The following MICU1 variants were observed in gnomAD, a reference collection of about 807,000 sequenced individuals.
MICU1 encodes the protein mitochondrial calcium uptake 1.
A neutral mutation model predicts 56.8 loss-of-function variants in MICU1; 45 were observed. That is an observed-to-expected ratio of 0.79 (90% confidence interval 0.62 to 1.02). The LOEUF is 1.02. MICU1 is among the 50% of genes least tolerant of loss of function. The probability of loss-of-function intolerance (pLI) is 0.00; values close to 1 mark genes in which losing one functional copy is unlikely to be tolerated. For synonymous variants in MICU1, 186 were observed against 195.1 expected, an observed-to-expected ratio of 0.95 and a Z score of 0.39; for missense variants, 504 against 587.1, an observed-to-expected ratio of 0.86 and a Z score of 1.46.
At chr10:72,575,677 T>C (rs1324775453) in intron 1 of MICU1, among the ~76,000 whole-genome samples, 1 of 152,224 alleles carries the variant, frequency 6.6e-6, no homozygotes, top group African/African-American at 2.4e-5. Flanking sequence ...TTGGTGTTAC[T>C]ATTTTAATTG....
rs192081980 is a variant in MICU1, at chr10:72,463,362, C to T, written c.933+11738G>A. ...ACAGGCATGAGCCATGGCGCCCGGC[C>T]GCACTTTTAATGATCCATCTGAAAG... On this transcript the variant is annotated intron_variant, in intron 8 of 11. Coordinates refer to ENST00000361114, the MANE Select transcript of MICU1 (RefSeq NM_001195518.2). 5.9e-5 allele frequency among the ~76,000 whole-genome samples: 9 copies of T among 152,228 alleles called. No individual in the cohort carries two copies. The East Asian group carries it at 7.7e-4, about 13-fold the overall frequency.
At chr10:72,452,723 G>C (rs1414076546) in intron 8 of MICU1, among the ~76,000 whole-genome samples, 1 of 152,098 alleles carries the variant, frequency 6.6e-6, no homozygotes, top group Non-Finnish European at 1.5e-5. Flanking sequence ...GCCTAATGAT[G>C]CATTTCTCAG....
At chr10:72,510,887 C>G (rs189017475) in intron 5 of MICU1, among the ~76,000 whole-genome samples, 1 of 152,312 alleles carries the variant, frequency 6.6e-6, no homozygotes, top group Admixed American at 6.5e-5. Flanking sequence ...CCACCTTGGC[C>G]TCCCAAAGTT....
rs1840043515 is a variant in MICU1, at chr10:72,551,864, G to A, written c.331-523C>T. Among the ~76,000 whole-genome samples, 4 of 152,020 alleles carry A rather than the reference G, an allele frequency of 2.6e-5. No individual in the cohort carries two copies. In the South Asian group the frequency reaches 6.2e-4, roughly 24 times the overall value. On this transcript the variant is annotated intron_variant, in intron 3 of 11. Coordinates refer to ENST00000361114, the MANE Select transcript of MICU1 (RefSeq NM_001195518.2). ...TTGTCCAGGCTGGCCTCAAACTCCTGGGCTCAAATGATCCTTCCGCCATGG... is the reference window on the plus strand; with the variant it reads ...TTGTCCAGGCTGGCCTCAAACTCCTAGGCTCAAATGATCCTTCCGCCATGG...
At chr10:72,564,649 C>T (rs1349427502) in intron 2 of MICU1, among the ~76,000 whole-genome samples, 1 of 150,694 alleles carries the variant, frequency 6.6e-6, no homozygotes, top group Non-Finnish European at 1.5e-5. Context: ...AAGCCAAATA[C>T]AGTGATCTTG....
chr10:72,406,857 C>T (rs111703395), intron 10 of MICU1, among the ~76,000 whole-genome samples: 1,559 of 152,190 alleles, frequency 0.01, 26 homozygotes, highest in African/African-American at 0.036. Context: ...AAACTCCTGA[C>T]CTCAGGTGAT....
At chr10:72,593,768 G>A (rs1025864604) in intron 1 of MICU1, among the ~76,000 whole-genome samples, 4 of 152,058 alleles carry the variant, frequency 2.6e-5, no homozygotes, top group Non-Finnish European at 4.4e-5. Context: ...AAACAATTCC[G>A]TTTACAATGG....
intron 4 of MICU1, among the ~76,000 whole-genome samples, chr10:72,549,045 AT>A (rs1839965017): frequency 6.6e-6 from 1 of 152,188 alleles, no homozygotes; most frequent in Non-Finnish European, 1.5e-5. Context: ...TGGAGGGGTG[AT>A]GGTTCTATAT....
At chr10:72,617,344 T>A (rs964432315) in intron 1 of MICU1, among the ~76,000 whole-genome samples, 1 of 152,056 alleles carries the variant, frequency 6.6e-6, no homozygotes, top group South Asian at 2.1e-4. Flanking sequence ...TTCCTCAATT[T>A]AAAAAAAATT....
chr10:72,369,434 G>A (rs1284952051), intron 11 of MICU1, among the ~76,000 whole-genome samples: 1 of 152,250 alleles, frequency 6.6e-6, no homozygotes, highest in South Asian at 2.1e-4. Flanking sequence ...GGAGTAAGAA[G>A]CAGGCAGATT....
At chr10:72,617,411 G>C (rs1842008239) in intron 1 of MICU1, among the ~76,000 whole-genome samples, 1 of 152,078 alleles carries the variant, frequency 6.6e-6, no homozygotes, top group South Asian at 2.1e-4. Flanking sequence ...TACTCTGTGA[G>C]GGGTACTATG....
At chr10:72,620,600 A>G (rs932561245) in intron 1 of MICU1, among the ~76,000 whole-genome samples, 1 of 152,180 alleles carries the variant, frequency 6.6e-6, no homozygotes, top group African/African-American at 2.4e-5. Flanking sequence ...TAAAGTTTCA[A>G]TTTTCTCATA....
In MICU1 at chr10:72,517,667, G is replaced by C. The variant is rs181629349; in HGVS notation, c.538-9398C>G. 1.2e-3 allele frequency among the ~76,000 whole-genome samples: 186 copies of C among 152,030 alleles called. 1 individual carries two copies. The highest frequency in any genetic ancestry group is 4.0e-3 in the African/African-American group (167 of 41,462). On this transcript the variant is annotated intron_variant, in intron 5 of 11. Coordinates refer to ENST00000361114, the MANE Select transcript of MICU1 (RefSeq NM_001195518.2). Reference sequence around the variant, plus strand: ...GTGAGGGATAAAAGTCTACAAATTGGGTTCAGTGTACACTGCTCGGTGATG... The same window carrying C: ...GTGAGGGATAAAAGTCTACAAATTGCGTTCAGTGTACACTGCTCGGTGATG...
intron 10 of MICU1, among the ~76,000 whole-genome samples, chr10:72,386,973 A>C (rs1862914150): frequency 6.6e-6 from 1 of 152,248 alleles, no homozygotes; most frequent in Non-Finnish European, 1.5e-5. Context: ...TAACAAGGAA[A>C]TAAATTAAAA....
chr10:72,456,759 A>G (rs937725654), intron 8 of MICU1, among the ~76,000 whole-genome samples: 12 of 151,358 alleles, frequency 7.9e-5, no homozygotes, highest in African/African-American at 2.9e-4. Context: ...CACAATCCCA[A>G]CTCACTGCAG....
chr10:72,415,109 A>G (rs115418559), intron 9 of MICU1, among the ~76,000 whole-genome samples: 10,782 of 149,422 alleles, frequency 0.072, 1,321 homozygotes, highest in African/African-American at 0.25. Context: ...TTCGCCTTCC[A>G]AGTTCAAGCA....
At chr10:72,547,917 C>A (rs1839936171) in intron 4 of MICU1, among the ~76,000 whole-genome samples, 1 of 152,178 alleles carries the variant, frequency 6.6e-6, no homozygotes, top group African/African-American at 2.4e-5. Flanking sequence ...CTCTAGACAA[C>A]CAGAGCTCAA....
At chr10:72,369,364 C>T (rs890912224) in intron 11 of MICU1, among the ~76,000 whole-genome samples, 1 of 151,256 alleles carries the variant, frequency 6.6e-6, no homozygotes, top group African/African-American at 2.4e-5. Context: ...TGTATTGCTC[C>T]TAAAGGTCTG....
chr10:72,567,121 A>G (rs1840459959), intron 1 of MICU1, among the ~76,000 whole-genome samples: 1 of 151,996 alleles, frequency 6.6e-6, no homozygotes, highest in African/African-American at 2.4e-5. Flanking sequence ...GGCCAAAGAG[A>G]GAGGATCATT....
Sources: gnomAD v4.1 joint callset for allele counts (sites outside exome capture counted in the v4.1 genomes callset) on GRCh38, gnomAD v4.1.1 for gene constraint, MANE v1.5 for transcripts, NCBI Gene and HGNC (gene_info 2026-07-23, HGNC 2026-07-21) for gene names.